Variants in NOL4L observed in about 807,000 individuals in gnomAD.
NOL4L encodes nucleolar protein 4 like.
A neutral mutation model predicts 64.5 loss-of-function variants in NOL4L; 7 were observed. The observed-to-expected ratio is 0.11, with a 90% confidence interval of 0.06 to 0.20. The LOEUF (loss-of-function observed/expected upper bound fraction) is 0.20. Ranked by LOEUF, NOL4L falls within the 10% of genes least tolerant of loss-of-function variation. NOL4L has a pLI of 1.00. For missense variants in NOL4L, 680 were observed against 967.1 expected (o/e 0.70, Z 3.94); for synonymous variants, 413 against 401.0 (o/e 1.03, Z -0.36).
Position 32,527,896 on chromosome 20 carries a change from C to T in NOL4L, c.339G>A (p.Ser113=), listed in dbSNP as rs564329062. 34 of 1,550,370 alleles carry T rather than the reference C, an allele frequency of 2.2e-5. No individual in the cohort carries two copies. The highest frequency in any genetic ancestry group is 9.5e-5 in the South Asian group (8 of 84,048). The part of the protein sequence containing the change: ...VKTGSGADGL[S]EPEGISLKRV... ...GCTTCAGAGAGATGCCCTCTGGCTC[C>T]GACAGGCCATCTGCCCCCTGCGACA... Residue 113 remains serine, a synonymous_variant, in exon 2 of 11, where the codon TCG becomes TCA. Coordinates refer to ENST00000621426, the MANE Select transcript of NOL4L (RefSeq NM_001256798.2).
intron 1 of NOL4L, chr20:32,533,635 C>CA (rs1263868862): frequency 6.6e-6 from 1 of 152,220 alleles, no homozygotes; most frequent in Admixed American, 6.5e-5. Context: ...ATAAATTCAA[C>CA]ACATCTGCCC....
chr20:32,585,043 G>T lies in NOL4L; in HGVS notation c.-153C>A. The T allele has an allele frequency of 3.7e-6, 1 of 266,688 alleles. No individual in the cohort carries two copies. Among genetic ancestry groups the T allele is most frequent in the Non-Finnish European group, 5.7e-6 (1 of 174,576 alleles). The allele number at this position is 266,688 out of a possible 1,614,324, so 16.5% of individuals were successfully genotyped here. The stretch of plus-strand genomic sequence containing the variant: ...CGGCGAGGCTGCTGGATGGGCGCGG[G>T]CGGCGGCCGGACGCGCGGGGCTGCG... On this transcript the variant is annotated 5_prime_UTR_variant, in exon 1 of 11. Coordinates refer to ENST00000621426, the MANE Select transcript of NOL4L (RefSeq NM_001256798.2).
intron 5 of NOL4L, among the ~76,000 whole-genome samples, chr20:32,471,742 G>A (rs2015034796): frequency 6.6e-6 from 1 of 152,104 alleles, no homozygotes; most frequent in Non-Finnish European, 1.5e-5. Flanking sequence ...GAGTGGCTGG[G>A]TGCTGTATGG....
At chr20:32,484,403 C>T (rs1481974037) in intron 4 of NOL4L, among the ~76,000 whole-genome samples, 1 of 152,022 alleles carries the variant, frequency 6.6e-6, no homozygotes, top group Non-Finnish European at 1.5e-5. Flanking sequence ...CCCTCCGCGC[C>T]CCTCCCCCTT....
intron 1 of NOL4L, among the ~76,000 whole-genome samples, chr20:32,544,094 G>A (rs568121984): frequency 6.6e-6 from 1 of 152,224 alleles, no homozygotes; most frequent in East Asian, 1.9e-4. Context: ...CAGCCATAGA[G>A]GGATTTTAAG....
intron 2 of NOL4L, among the ~76,000 whole-genome samples, chr20:32,523,636 G>C (rs1264191645): frequency 6.6e-6 from 1 of 152,202 alleles, no homozygotes; most frequent in African/African-American, 2.4e-5. Flanking sequence ...ATACACTGAA[G>C]CCCAAAACAT....
At chr20:32,523,369 C>CA (rs1314104073) in intron 2 of NOL4L, among the ~76,000 whole-genome samples, 2 of 152,290 alleles carry the variant, frequency 1.3e-5, no homozygotes, top group East Asian at 3.9e-4. Context: ...TCTGCACTGC[C>CA]GTAGGGACCT....
intron 1 of NOL4L, chr20:32,548,809 A>G (rs1426380478): frequency 2.2e-6 from 1 of 451,228 alleles, no homozygotes; most frequent in Non-Finnish European, 4.4e-6. Flanking sequence ...GCAGAATATC[A>G]TAAACAATCC....
intron 4 of NOL4L, among the ~76,000 whole-genome samples, chr20:32,493,883 C>T (rs2145523188): frequency 6.6e-6 from 1 of 152,286 alleles, no homozygotes. Context: ...TCTCTTTCCC[C>T]ACCCCTTCCC....
intron 4 of NOL4L, among the ~76,000 whole-genome samples, chr20:32,477,823 C>T (rs1335178331): frequency 1.3e-5 from 2 of 152,214 alleles, no homozygotes; most frequent in African/African-American, 4.8e-5. Flanking sequence ...CCCCTCCAAC[C>T]CTCACTCCCT....
At chr20:32,549,715 T>C (rs181905167) in intron 1 of NOL4L, among the ~76,000 whole-genome samples, 104 of 152,316 alleles carry the variant, frequency 6.8e-4, no homozygotes, top group Middle Eastern at 3.4e-3. Context: ...ATCGCGCCAT[T>C]GCACTCTAGC....
In NOL4L at chr20:32,453,090, G is replaced by C; in HGVS notation, c.1498-84C>G. On this transcript the variant is annotated intron_variant, in intron 8 of 10. Transcript: ENST00000621426. The surrounding 1 kb of genome is among the most constrained non-coding windows in gnomAD (Gnocchi z 5.6). ...AGAGACCCTGCCCCAGGGGTGGGTG[G>C]CACAGGGTGGGGTTTGGGCTCCAGC... 3.2e-6 allele frequency: 5 copies of C among 1,575,688 alleles called. No individual in the cohort carries two copies. Among genetic ancestry groups the C allele is most frequent in the Non-Finnish European group, 4.3e-6 (5 of 1,160,094 alleles).
At chr20:32,537,737 G>A (rs1257008453) in intron 1 of NOL4L, among the ~76,000 whole-genome samples, 1 of 151,496 alleles carries the variant, frequency 6.6e-6, no homozygotes, top group South Asian at 2.1e-4. Context: ...CTGAGAAATC[G>A]AAGAAGTTTC....
intron 6 of NOL4L, among the ~76,000 whole-genome samples, chr20:32,455,306 A>G (rs1300059765): frequency 6.6e-6 from 1 of 152,252 alleles, no homozygotes; most frequent in Admixed American, 6.5e-5. Context: ...CTCTGGCCAG[A>G]ACCTGCTCCC....
In NOL4L at chr20:32,530,426, G is replaced by A. The variant is rs562482092; in HGVS notation, c.322-2513C>T. On this transcript the variant is annotated intron_variant, in intron 1 of 10. Transcript: ENST00000621426. Reference sequence around the variant, plus strand: ...CATGGTGGCGGGAGCCTGTAGTCCCGGCTACTCGGGAGGCTGAGGCAGAAG... The same window carrying A: ...CATGGTGGCGGGAGCCTGTAGTCCCAGCTACTCGGGAGGCTGAGGCAGAAG... Among the ~76,000 whole-genome samples, 456 of 152,132 alleles carry A rather than the reference G, an allele frequency of 3.0e-3. 2 individuals are homozygous for A. The highest frequency in any genetic ancestry group is 0.011 in the African/African-American group (441 of 41,518).
chr20:32,573,580 C>T, intron 1 of NOL4L: 1 of 175,394 alleles, frequency 5.7e-6, no homozygotes, highest in Non-Finnish European at 1.2e-5. Context: ...TATACAATAG[C>T]ATAGAAGGAG....
intron 1 of NOL4L, among the ~76,000 whole-genome samples, chr20:32,574,761 C>T (rs1979982715): frequency 2.0e-5 from 3 of 151,144 alleles, no homozygotes; most frequent in Non-Finnish European, 3.0e-5. Context: ...AACACGATGA[C>T]TCCCGCGCTG....
In NOL4L at chr20:32,447,190, G is replaced by T. The variant is rs1266361598; in HGVS notation, c.*406C>A. On this transcript the variant is annotated 3_prime_UTR_variant, in exon 11 of 11. Coordinates refer to ENST00000621426, the MANE Select transcript of NOL4L (RefSeq NM_001256798.2). ...AATTACTAAGGGGAGAGGAAGAAAG[G>T]GTCCACTTTGCTTTTCTCAATAAAT... 2.1e-6 allele frequency: 1 copy of T among 466,178 alleles called. No homozygotes were observed. Among genetic ancestry groups the T allele is most frequent in the South Asian group, 1.6e-5 (1 of 64,254 alleles). The allele number at this position is 466,178 out of a possible 1,614,324, so 28.9% of individuals were successfully genotyped here.
At chr20:32,534,837 G>C (rs2018462776) in intron 1 of NOL4L, among the ~76,000 whole-genome samples, 1 of 148,672 alleles carries the variant, frequency 6.7e-6, no homozygotes, top group Admixed American at 6.8e-5. Flanking sequence ...AGTCATGACC[G>C]TACCACTAAA....
Sources: allele counts gnomAD v4.1 joint callset (sites outside exome capture counted in the v4.1 genomes callset), GRCh38; gene constraint gnomAD v4.1.1; non-coding constraint Gnocchi (gnomAD v3.1); transcripts MANE v1.5; gene names NCBI Gene and HGNC (gene_info 2026-07-23, HGNC 2026-07-21).